DMAP1: variants seen among roughly 807,000 people sequenced by gnomAD.
The protein encoded by DMAP1 is DNA methyltransferase 1-associated protein 1.
Under a neutral mutation model 52.7 loss-of-function variants are expected in DMAP1, and 26 were observed. The ratio of observed to expected loss-of-function variants is 0.49; its 90% CI spans 0.36 to 0.68. The LOEUF (loss-of-function observed/expected upper bound fraction) is 0.68. Ranked by LOEUF, DMAP1 falls within the 30% of genes least tolerant of loss-of-function variation. The probability of loss-of-function intolerance (pLI) is 0.00; values close to 1 mark genes in which losing one functional copy is unlikely to be tolerated. For missense variants in DMAP1, 439 were observed against 625.2 expected (o/e 0.70, Z 3.18); for synonymous variants, 231 against 246.0 (o/e 0.94, Z 0.57).
rs1378942704 is a variant in DMAP1 at position 44,213,935 on chromosome 1, G to A, written c.105+77G>A. The stretch of plus-strand genomic sequence containing the variant: ...TGGGGAGGAGTGACAACGGGCAAGG[G>A]ATGGGTGCTACACTTACAGTGAGTT... On this transcript the variant is annotated intron_variant, in intron 1 of 9. Transcript: ENST00000372289. The surrounding 1 kb of genome is among the most constrained non-coding windows in gnomAD (Gnocchi z 4.5). 31 of 1,317,554 alleles carry A rather than the reference G, an allele frequency of 2.4e-5. No homozygotes were observed. In the East Asian group the frequency reaches 7.5e-4, roughly 32 times the overall value. 81.6% of individuals were successfully genotyped at this position (1,317,554 alleles called of 1,614,324 possible).
chr1:44,220,110 C>T lies in DMAP1; in HGVS notation c.1145C>T (p.Ala382Val). The change falls in exon 9 of 10, where the codon GCC (alanine) becomes GTC (valine). Residue 382 changes from alanine (A) to valine (V), a missense_variant. Coordinates refer to ENST00000372289, the MANE Select transcript of DMAP1 (RefSeq NM_019100.5). ...CTCTACGAGCTCAAGCAGGCCTGTG[C>T]CAACTGCGAGTATGAGCTGCAGATG... Reference protein sequence around the residue: ...VLLYELKQACANCEYELQMLR... With the variant: ...VLLYELKQACVNCEYELQMLR... 2 of 1,612,486 alleles carry T rather than the reference C, an allele frequency of 1.2e-6. No homozygotes were observed. Among genetic ancestry groups the T allele is most frequent in the Non-Finnish European group, 1.7e-6 (2 of 1,179,086 alleles).
Position 44,213,687 on chromosome 1 carries a change from C to A in DMAP1, c.-67C>A. 6.8e-7 allele frequency: 1 copy of A among 1,475,562 alleles called. No individual in the cohort carries two copies. The highest frequency in any genetic ancestry group is 9.3e-7 in the Non-Finnish European group (1 of 1,080,740). 91.4% of individuals were successfully genotyped at this position (1,475,562 alleles called of 1,614,324 possible). On this transcript the variant is annotated 5_prime_UTR_variant, in exon 1 of 10. Coordinates refer to ENST00000372289, the MANE Select transcript of DMAP1 (RefSeq NM_019100.5). The surrounding 1 kb of genome is among the most constrained non-coding windows in gnomAD (Gnocchi z 4.5). ...GGTCTGGATTGGCCCCGCCCCCTGA[C>A]CTGAGCCTGGTCCTTCTTCAGGCAC...
At chr1:44,214,933 G>C in intron 3 of DMAP1, 35 bp downstream of exon 3, 2 of 1,612,622 alleles carry the variant, frequency 1.2e-6, no homozygotes, top group Non-Finnish European at 1.7e-6. Flanking sequence ...GGCCAAGATT[G>C]CCCTCCCACT....
rs1166868038 is a variant in DMAP1 at position 44,214,780 on chromosome 1, T to C, written c.275T>C (p.Val92Ala). 5 of 1,614,016 alleles carry C rather than the reference T, an allele frequency of 3.1e-6. No homozygotes were observed. Among genetic ancestry groups the C allele is most frequent in the Non-Finnish European group, 4.2e-6 (5 of 1,180,014 alleles). The change falls in exon 3 of 10, where the codon GTG becomes GCG. Residue 92 changes from valine (V) to alanine (A), a missense_variant. Around this residue, in one of 3 missense-constraint regions of DMAP1, gnomAD observed 118 missense variants for 189.8 expected, o/e 0.62. Transcript: ENST00000372289. ...TVKAKLGSKK[V>A]RPWKWMPFTN... ...AAGGCCAAGTTGGGCTCCAAGAAGG[T>C]GCGGCCTTGGAAGTGGATGCCATTC...
At position 44,220,649 on chromosome 1, in the gene DMAP1, A is replaced by C; in HGVS notation, c.*31A>C. On this transcript the variant is annotated 3_prime_UTR_variant, in exon 10 of 10. Transcript: ENST00000372289. ...CCCACGGGGTGTGGGCGACGCTGTT[A>C]TGTAAATAGAGCTGCTGAGTTGGAC... is the stretch of plus-strand genomic sequence containing the variant. 1.2e-6 allele frequency: 2 copies of C among 1,613,786 alleles called. No individual in the cohort carries two copies. Among genetic ancestry groups the C allele is most frequent in the East Asian group, 4.5e-5 (2 of 44,870 alleles).
chr1:44,217,821 G>A (rs962879022), intron 3 of DMAP1: 4 of 235,660 alleles, frequency 1.7e-5, no homozygotes, highest in Non-Finnish European at 3.5e-5. Flanking sequence ...GCGTATGTTG[G>A]TAGTAGGATT....
chr1:44,218,940 C>A lies in DMAP1; in HGVS notation c.721-116C>A. Reference sequence around the variant, plus strand: ...CTGCTTTTCATAGCCCTTCACCTCCCTCATGATCCATTACTTCTCAGATTC... The same window carrying A: ...CTGCTTTTCATAGCCCTTCACCTCCATCATGATCCATTACTTCTCAGATTC... On this transcript the variant is annotated intron_variant, in intron 5 of 9. Transcript: ENST00000372289. The surrounding 1 kb of genome is among the most constrained non-coding windows in gnomAD (Gnocchi z 5.6). The A allele has an allele frequency of 6.9e-7, 1 of 1,456,448 alleles. No homozygotes were observed. The highest frequency in any genetic ancestry group is 2.3e-5 in the East Asian group (1 of 43,630). 90.2% of individuals were successfully genotyped at this position (1,456,448 alleles called of 1,614,324 possible). A position where few individuals can be genotyped will look rare whatever the true frequency, so the allele number is the denominator to read the frequency against.
In DMAP1 at chr1:44,220,355, G is replaced by A. The variant is rs753194106; in HGVS notation, c.1344+46G>A. On this transcript the variant is annotated intron_variant, in intron 9 of 9. Coordinates refer to ENST00000372289, the MANE Select transcript of DMAP1 (RefSeq NM_019100.5). Reference sequence around the variant, plus strand: ...GGAGGCACGCCTGGGCCCTGCGAGTGAGCACATGCACATGGGTGTAGGGGC... The same window carrying A: ...GGAGGCACGCCTGGGCCCTGCGAGTAAGCACATGCACATGGGTGTAGGGGC... 2.0e-6 allele frequency: 3 copies of A among 1,521,630 alleles called. No individual in the cohort carries two copies. The African/African-American group carries it at 4.1e-5, about 21-fold the overall frequency. The allele number at this position is 1,521,630 out of a possible 1,614,324, so 94.3% of individuals were successfully genotyped here.
rs747366744 is a variant in DMAP1, at chr1:44,218,356, C to T, written c.439C>T (p.Leu147Phe). The change falls in exon 4 of 10, where the codon CTC (leucine) becomes TTC (phenylalanine). Residue 147 changes from leucine to phenylalanine, a missense_variant. Physicochemically the swap from Leu to Phe is conservative, Grantham distance 22. Coordinates refer to ENST00000372289, the MANE Select transcript of DMAP1 (RefSeq NM_019100.5). The surrounding 1 kb of genome is among the most constrained non-coding windows in gnomAD (Gnocchi z 5.6). The stretch of plus-strand genomic sequence containing the variant: ...CTCGGAGCAGGAGTACCAGCTTTAT[C>T]TCCACGATGATGCTTGGACTAAGGC... ...VYSEQEYQLY[L>F]HDDAWTKAET... 117 of 1,614,106 alleles carry T rather than the reference C, an allele frequency of 7.2e-5. No homozygotes were observed. Among genetic ancestry groups the T allele is most frequent in the Non-Finnish European group, 9.8e-5 (116 of 1,180,048 alleles).
rs377623134 is a variant in DMAP1 at position 44,220,642 on chromosome 1, C to T, written c.*24C>T. On this transcript the variant is annotated 3_prime_UTR_variant, in exon 10 of 10. Transcript: ENST00000372289. ...GAGAGGCCCCACGGGGTGTGGGCGA[C>T]GCTGTTATGTAAATAGAGCTGCTGA... The T allele has an allele frequency of 2.5e-5, 41 of 1,613,864 alleles. No homozygotes were observed. Among genetic ancestry groups the T allele is most frequent in the East Asian group, 6.7e-5 (3 of 44,894 alleles).
In DMAP1 at chr1:44,214,458, C is replaced by T; in HGVS notation, c.197+17C>T. ...TGACAAGAAGCAAGTATTGGAGTCC[C>T]AAGTCCCCCAGGTTTTGGCCCCTGA... On this transcript the variant is annotated intron_variant, in intron 2 of 9. Coordinates refer to ENST00000372289, the MANE Select transcript of DMAP1 (RefSeq NM_019100.5). 1.2e-6 allele frequency: 2 copies of T among 1,613,922 alleles called. 1 individual carries two copies. The highest frequency in any genetic ancestry group is 2.2e-5 in the South Asian group (2 of 91,042).
rs1462598511 is a variant in DMAP1 at position 44,218,300 on chromosome 1, T to C, written c.394-11T>C. 6.2e-7 allele frequency: 1 copy of C among 1,614,266 alleles called. No individual in the cohort carries two copies. The highest frequency in any genetic ancestry group is 8.5e-7 in the Non-Finnish European group (1 of 1,180,046). On this transcript the variant is annotated splice_polypyrimidine_tract_variant and intron_variant, in intron 3 of 9. Transcript: ENST00000372289. The surrounding 1 kb of genome is among the most constrained non-coding windows in gnomAD (Gnocchi z 5.6). ...CGGGCATGCCCCTACTGTGTCCCTC[T>C]GTGCTAGTAGACTGTGCAGGTGCCT...
At chr1:44,215,590 A>T in intron 3 of DMAP1, 1 of 323,486 alleles carries the variant, frequency 3.1e-6, no homozygotes, top group Non-Finnish European at 6.1e-6. Context: ...ATTTGAATGG[A>T]TATGAAATGA....
rs1643877282 is a variant in DMAP1, at chr1:44,220,193, C to T, written c.1228C>T (p.Pro410Ser). The change falls in exon 9 of 10, where the codon CCA becomes TCA. Residue 410 changes from proline to serine, a missense_variant. Pro to Ser is a moderately conservative substitution (Grantham distance 74, BLOSUM62 -1). Transcript: ENST00000372289. The stretch of plus-strand genomic sequence containing the variant: ...TGGTGTGCTAGGGGGCCCTGCCACA[C>T]CAGCATCAGGCCCAGGCCCGGCCTC... The part of the protein sequence containing the change: ...RAGVLGGPAT[P>S]ASGPGPASAE... 1 of 1,602,690 alleles carries T rather than the reference C, an allele frequency of 6.2e-7. No homozygotes were observed. The highest frequency in any genetic ancestry group is 1.3e-5 in the African/African-American group (1 of 74,888).
chr1:44,219,085 G>C lies in DMAP1; in HGVS notation c.750G>C (p.Glu250Asp). ...QVAEEEYLLQ[E>D]LRKIEARKKE... ...CAGAGGAGGAGTACCTGCTACAGGA[G>C]CTGCGCAAGATTGAGGCCCGGAAGA... The change falls in exon 6 of 10, where the codon GAG becomes GAC. Residue 250 changes from glutamate to aspartate, a missense_variant. This residue lies in a region of DMAP1 where 142 missense variants were observed against 149.5 expected (regional missense o/e 0.95). Transcript: ENST00000372289. 1 of 1,614,168 alleles carries C rather than the reference G, an allele frequency of 6.2e-7. No homozygotes were observed. Among genetic ancestry groups the C allele is most frequent in the Non-Finnish European group, 8.5e-7 (1 of 1,180,040 alleles).
Position 44,218,823 on chromosome 1 carries a change from C to G in DMAP1, c.720+68C>G. 6.5e-6 allele frequency: 10 copies of G among 1,535,870 alleles called. No individual in the cohort carries two copies. The South Asian group carries it at 1.3e-4, about 19-fold the overall frequency. ...CTTGCTCATTGTCTCCATCCTCCAT[C>G]CCCTCAACTCCCACTCCCAGGTCCC... On this transcript the variant is annotated intron_variant, in intron 5 of 9. Transcript: ENST00000372289. The surrounding 1 kb of genome is among the most constrained non-coding windows in gnomAD (Gnocchi z 5.6).
rs1643725302 is a variant in DMAP1, at chr1:44,213,554, C to T, written c.-200C>T. On this transcript the variant is annotated 5_prime_UTR_variant, in exon 1 of 10. Coordinates refer to ENST00000372289, the MANE Select transcript of DMAP1 (RefSeq NM_019100.5). This position sits in a 1 kb window ranked among gnomAD's most constrained non-coding sequence, Gnocchi z 4.5. ...TGCGGAAGTGCGAGGGCCCAGGTGGCTGAAGGGGCCGTTAGGAACATCCAA... is the reference window on the plus strand; with the variant it reads ...TGCGGAAGTGCGAGGGCCCAGGTGGTTGAAGGGGCCGTTAGGAACATCCAA... 3.8e-6 allele frequency: 2 copies of T among 525,388 alleles called. No homozygotes were observed. Among genetic ancestry groups the T allele is most frequent in the Non-Finnish European group, 3.4e-6 (1 of 293,598 alleles). The allele number at this position is 525,388 out of a possible 1,614,324, so 32.5% of individuals were successfully genotyped here.
Position 44,220,165 on chromosome 1 carries a change from G to C in DMAP1, c.1200G>C (p.Arg400=), listed in dbSNP as rs767146610. 22 of 1,610,898 alleles carry C rather than the reference G, an allele frequency of 1.4e-5. No individual in the cohort carries two copies. The South Asian group carries it at 2.2e-4, about 16-fold the overall frequency. Reference sequence around the variant, plus strand: ...GGCACCGTCATGAGGCACTGGCCCGGGCTGGTGTGCTAGGGGGCCCTGCCA... The same window carrying C: ...GGCACCGTCATGAGGCACTGGCCCGCGCTGGTGTGCTAGGGGGCCCTGCCA... ...MLRHRHEALA[R]AGVLGGPATP... The change falls in exon 9 of 10, where the codon CGG becomes CGC. Residue 400 remains arginine (R), a synonymous_variant. Coordinates refer to ENST00000372289, the MANE Select transcript of DMAP1 (RefSeq NM_019100.5).
At chr1:44,216,333 G>A (rs972935301) in intron 3 of DMAP1, 1 of 151,754 alleles carries the variant, frequency 6.6e-6, no homozygotes, top group African/African-American at 2.4e-5. Flanking sequence ...GGGCTCAAGC[G>A]ATCCTCCCAC....
Sources: gnomAD v4.1 joint callset for allele counts on GRCh38, gnomAD v4.1.1 for gene constraint, gnomAD v4.1.1 regional missense constraint, Gnocchi (gnomAD v3.1) non-coding constraint, MANE v1.5 for transcripts, NCBI Gene and HGNC (gene_info 2026-07-23, HGNC 2026-07-21) for gene names.